SYT17: variants seen among roughly 807,000 people sequenced by gnomAD.
SYT17 encodes the protein synaptotagmin 17.
Under a neutral mutation model 46.7 loss-of-function variants are expected in SYT17, and 22 were observed. The ratio of observed to expected loss-of-function variants is 0.47; its 90% CI spans 0.34 to 0.67. SYT17 has a LOEUF of 0.67. SYT17 is among the 30% of genes least tolerant of loss of function. SYT17 has a pLI of 0.01. For missense variants in SYT17, 519 were observed against 612.8 expected, an observed-to-expected ratio of 0.85 and a Z score of 1.62; for synonymous variants, 251 against 248.4, an observed-to-expected ratio of 1.01 and a Z score of -0.10.
intron 5 of SYT17, among the ~76,000 whole-genome samples, chr16:19,209,283 A>G (rs1435899397): frequency 6.6e-6 from 1 of 152,228 alleles, no homozygotes; most frequent in Non-Finnish European, 1.5e-5. Flanking sequence ...GCTGAATAAT[A>G]GTATCCATAA....
chr16:19,172,958 T>C, intron 2 of SYT17, 181 bp downstream of exon 2: 1 of 712,812 alleles, frequency 1.4e-6, no homozygotes, highest in Non-Finnish European at 2.3e-6. Context: ...AAGACACCAG[T>C]TGACAAGACA....
chr16:19,172,845 T>A, intron 2 of SYT17, 68 bp downstream of exon 2: 1 of 1,576,564 alleles, frequency 6.3e-7, no homozygotes, highest in Non-Finnish European at 8.7e-7. Flanking sequence ...CATTTTGGAG[T>A]CTTATGTGGG....
chr16:19,181,430 T>C (rs979140238), intron 4 of SYT17, among the ~76,000 whole-genome samples: 1 of 151,922 alleles, frequency 6.6e-6, no homozygotes, highest in Non-Finnish European at 1.5e-5. Flanking sequence ...GTGGAGATCA[T>C]TGGTGTCCAA....
chr16:19,199,470 G>C (rs74656472), intron 5 of SYT17, among the ~76,000 whole-genome samples: 3,917 of 152,258 alleles, frequency 0.026, 179 homozygotes, highest in African/African-American at 0.088. Flanking sequence ...GCTGGGCACA[G>C]TGGCTCACAC....
chr16:19,228,677 A>G (rs1596985807), intron 7 of SYT17, among the ~76,000 whole-genome samples: 1 of 152,328 alleles, frequency 6.6e-6, no homozygotes, highest in East Asian at 1.9e-4. Context: ...CAATTTACAT[A>G]AAGGGTACTG....
chr16:19,258,415 C>T (rs924425398), intron 7 of SYT17, among the ~76,000 whole-genome samples: 10 of 151,734 alleles, frequency 6.6e-5, no homozygotes, highest in African/African-American at 1.9e-4. Context: ...CTGAGGCAGG[C>T]GAATCACCTG....
At chr16:19,173,930 C>T (rs1363942848) in intron 3 of SYT17, among the ~76,000 whole-genome samples, 1 of 152,194 alleles carries the variant, frequency 6.6e-6, no homozygotes. Flanking sequence ...CTATATTCTT[C>T]AGGGGCTGAC....
At chr16:19,262,531 A>G (rs1969055251) in intron 7 of SYT17, among the ~76,000 whole-genome samples, 1 of 152,120 alleles carries the variant, frequency 6.6e-6, no homozygotes, top group Non-Finnish European at 1.5e-5. Context: ...TTGTCATAGG[A>G]AAAAGTCCAA....
chr16:19,179,720 T>C (rs1044507348), intron 3 of SYT17, among the ~76,000 whole-genome samples: 1 of 152,110 alleles, frequency 6.6e-6, no homozygotes, highest in Non-Finnish European at 1.5e-5. Flanking sequence ...GCCCCAGCGG[T>C]TCTCTCAATG....
intron 5 of SYT17, among the ~76,000 whole-genome samples, chr16:19,186,357 G>C (rs57576834): frequency 2.6e-5 from 4 of 151,870 alleles, no homozygotes; most frequent in African/African-American, 4.8e-5. Context: ...GGTGGCATGT[G>C]CCTGTAGTCC....
intron 5 of SYT17, among the ~76,000 whole-genome samples, chr16:19,216,846 G>A (rs949306668): frequency 6.6e-6 from 1 of 152,126 alleles, no homozygotes; most frequent in Non-Finnish European, 1.5e-5. Context: ...AAACATACAT[G>A]TGCATGTGTC....
chr16:19,205,238 C>T (rs914055963), intron 5 of SYT17, among the ~76,000 whole-genome samples: 7 of 152,186 alleles, frequency 4.6e-5, no homozygotes, highest in Admixed American at 3.3e-4. Context: ...CTCCCTCCAA[C>T]TTTATTTCCC....
intron 7 of SYT17, among the ~76,000 whole-genome samples, chr16:19,247,110 A>G (rs1967633893): frequency 6.6e-6 from 1 of 152,152 alleles, no homozygotes; most frequent in South Asian, 2.1e-4. Flanking sequence ...GCCAGAGGGA[A>G]CAGCAACACA....
intron 5 of SYT17, among the ~76,000 whole-genome samples, chr16:19,215,497 A>AAACCTCTGGGCTCATGCAATCCTCC (rs1447379279): frequency 1.3e-5 from 2 of 152,184 alleles, no homozygotes; most frequent in Non-Finnish European, 1.5e-5. Flanking sequence ...CTGCAGCCTC[A>AAACCTCTGGGCTCATGCAATCCTCC]AACCTCTGGG....
chr16:19,260,749 A>G (rs1223424554), intron 7 of SYT17, among the ~76,000 whole-genome samples: 1 of 152,144 alleles, frequency 6.6e-6, no homozygotes, highest in East Asian at 1.9e-4. Flanking sequence ...ACTACATTTA[A>G]AAGAGTCCCC....
At chr16:19,172,517 C>T in intron 1 of SYT17, 1 of 1,493,314 alleles carries the variant, frequency 6.7e-7, no homozygotes, top group Non-Finnish European at 8.8e-7. Context: ...CTAAAGTTTC[C>T]CATTTATTTG....
At chr16:19,192,804 T>C (rs899265128) in intron 5 of SYT17, among the ~76,000 whole-genome samples, 1 of 152,010 alleles carries the variant, frequency 6.6e-6, no homozygotes, top group African/African-American at 2.4e-5. Flanking sequence ...TTGGGGGTGG[T>C]CAAGTGGGTT....
At chr16:19,249,892 C>T (rs1204051100) in intron 7 of SYT17, 5 of 1,527,140 alleles carry the variant, frequency 3.3e-6, no homozygotes, top group Non-Finnish European at 4.4e-6. Flanking sequence ...TCTTGTCTTG[C>T]TCACTCCCTT....
At chr16:19,237,328 G>A (rs1209782353) in intron 7 of SYT17, among the ~76,000 whole-genome samples, 1 of 152,126 alleles carries the variant, frequency 6.6e-6, no homozygotes, top group East Asian at 1.9e-4. Flanking sequence ...TAAGTTCCAG[G>A]TGACACCTGT....
Sources: allele counts gnomAD v4.1 joint callset (sites outside exome capture counted in the v4.1 genomes callset), GRCh38; gene constraint gnomAD v4.1.1; transcripts MANE v1.5; gene names NCBI Gene and HGNC (gene_info 2026-07-23, HGNC 2026-07-21).